The following LRRTM4 variants were observed in gnomAD, a reference collection of about 807,000 sequenced individuals.
LRRTM4 encodes the protein leucine-rich repeat transmembrane neuronal protein 4.
A neutral mutation model predicts 47.6 loss-of-function variants in LRRTM4; 25 were observed. The ratio of observed to expected loss-of-function variants is 0.53; its 90% CI spans 0.38 to 0.73. The LOEUF (loss-of-function observed/expected upper bound fraction) is 0.73. Among genes scored for constraint, LRRTM4 ranks in the 30% least tolerant of loss-of-function variants. LRRTM4 has a pLI of 0.00. For missense variants in LRRTM4, 638 were observed against 713.4 expected, an observed-to-expected ratio of 0.89 and a Z score of 1.20; for synonymous variants, 311 against 269.5, an observed-to-expected ratio of 1.15 and a Z score of -1.51.
intron 3 of LRRTM4, among the ~76,000 whole-genome samples, chr2:76,839,760 A>T (rs1389254560): frequency 1.3e-5 from 2 of 152,136 alleles, no homozygotes; most frequent in African/African-American, 4.8e-5. Context: ...TATGATTCTA[A>T]TACTTTTAAA....
At chr2:76,848,207 G>A (rs1213998722) in intron 3 of LRRTM4, among the ~76,000 whole-genome samples, 1 of 152,008 alleles carries the variant, frequency 6.6e-6, no homozygotes, top group Non-Finnish European at 1.5e-5. Flanking sequence ...TTTTATGTGA[G>A]CAATAGTTAT....
intron 3 of LRRTM4, among the ~76,000 whole-genome samples, chr2:77,364,240 T>C (rs970548094): frequency 6.6e-6 from 1 of 152,164 alleles, no homozygotes; most frequent in Non-Finnish European, 1.5e-5. Context: ...TCTGAGCACA[T>C]GAATGTTTAC....
chr2:77,404,252 A>G (rs1290214645), intron 3 of LRRTM4, among the ~76,000 whole-genome samples: 1 of 151,962 alleles, frequency 6.6e-6, no homozygotes, highest in Non-Finnish European at 1.5e-5. Context: ...TAGAATAAAA[A>G]GAAAATTTGC....
Position 77,148,518 on chromosome 2 carries a change from T to C in LRRTM4, c.1551+369800A>G, listed in dbSNP as rs192596652. ...GCCAATTTACTTTTATATATGACAC[T>C]TTGTTGCATTTGAACATTATAAATG... On this transcript the variant is annotated intron_variant, in intron 3 of 3. Transcript: ENST00000409884. 3.4e-3 allele frequency among the ~76,000 whole-genome samples: 514 copies of C among 152,314 alleles called. 3 individuals carry two copies. The highest frequency in any genetic ancestry group is 7.0e-3 in the South Asian group (34 of 4,830).
intron 3 of LRRTM4, among the ~76,000 whole-genome samples, chr2:77,134,610 G>C (rs2103983400): frequency 6.6e-6 from 1 of 152,194 alleles, no homozygotes; most frequent in African/African-American, 2.4e-5. Context: ...AACACAGTGA[G>C]CTTTCCTTTT....
chr2:77,027,099 C>T (rs1431686195), intron 3 of LRRTM4, among the ~76,000 whole-genome samples: 1 of 152,052 alleles, frequency 6.6e-6, no homozygotes, highest in Admixed American at 6.6e-5. Flanking sequence ...CCACACCTCC[C>T]CAATGCCCCT....
chr2:77,105,057 A>C (rs1671060047), intron 3 of LRRTM4, among the ~76,000 whole-genome samples: 2 of 133,238 alleles, frequency 1.5e-5, no homozygotes, highest in African/African-American at 5.9e-5. Flanking sequence ...TGAAAATAAA[A>C]GAAAAAAAAA....
chr2:77,102,593 A>G (rs1389333627), intron 3 of LRRTM4, among the ~76,000 whole-genome samples: 1 of 152,224 alleles, frequency 6.6e-6, no homozygotes, highest in Non-Finnish European at 1.5e-5. Context: ...AAGATATATA[A>G]TACCATCATA....
At chr2:76,779,675 T>G (rs1674238809) in intron 3 of LRRTM4, among the ~76,000 whole-genome samples, 3 of 151,832 alleles carry the variant, frequency 2.0e-5, no homozygotes, top group Non-Finnish European at 2.9e-5. Flanking sequence ...GAGATGGGTT[T>G]CCTGAATACA....
chr2:76,791,032 T>G (rs1168047634), intron 3 of LRRTM4, among the ~76,000 whole-genome samples: 1 of 152,174 alleles, frequency 6.6e-6, no homozygotes, highest in African/African-American at 2.4e-5. Flanking sequence ...GTTACAATGA[T>G]AAAGAGGTAA....
At chr2:77,234,857 A>T (rs577249541) in intron 3 of LRRTM4, among the ~76,000 whole-genome samples, 1 of 152,238 alleles carries the variant, frequency 6.6e-6, no homozygotes, top group South Asian at 2.1e-4. Flanking sequence ...CATCACTCAG[A>T]TAATGAACCT....
chr2:76,830,517 T>C lies in LRRTM4; in HGVS notation c.1552-81601A>G, dbSNP rs1017249153. On this transcript the variant is annotated intron_variant, in intron 3 of 3. Coordinates refer to ENST00000409884, the MANE Select transcript of LRRTM4 (RefSeq NM_001134745.3). ...TTGTCTATGTGTGGCAGTGTGTGCG[T>C]GTGTGTGTGTGTGTGTGTGTGTGTG... is the stretch of plus-strand genomic sequence containing the variant. 2.1e-4 allele frequency among the ~76,000 whole-genome samples: 24 copies of C among 115,602 alleles called. No individual in the cohort carries two copies. In the East Asian group the frequency reaches 5.4e-3, roughly 26 times the overall value. The allele number at this position is 115,602 out of a possible 152,430, so 75.8% of individuals were successfully genotyped here. A position where few individuals can be genotyped will look rare whatever the true frequency, so the allele number is the denominator to read the frequency against.
At chr2:76,876,867 G>T (rs1672793680) in intron 3 of LRRTM4, among the ~76,000 whole-genome samples, 1 of 151,958 alleles carries the variant, frequency 6.6e-6, no homozygotes, top group South Asian at 2.1e-4. Context: ...TTAATAAATT[G>T]ATAAGCCAGG....
At chr2:77,344,534 T>C (rs1017019234) in intron 3 of LRRTM4, among the ~76,000 whole-genome samples, 2 of 151,770 alleles carry the variant, frequency 1.3e-5, no homozygotes, top group Admixed American at 1.3e-4. Context: ...AAAATGAACA[T>C]ATCAAGCCTT....
chr2:76,943,936 G>A (rs1163298592), intron 3 of LRRTM4, among the ~76,000 whole-genome samples: 1 of 152,024 alleles, frequency 6.6e-6, no homozygotes, highest in African/African-American at 2.4e-5. Context: ...CATTATCCTA[G>A]TGCCATTATC....
chr2:77,150,561 G>A (rs1183138317), intron 3 of LRRTM4, among the ~76,000 whole-genome samples: 1 of 152,058 alleles, frequency 6.6e-6, no homozygotes, highest in African/African-American at 2.4e-5. Flanking sequence ...CCTATTATCA[G>A]TTGATACTAC....
intron 3 of LRRTM4, among the ~76,000 whole-genome samples, chr2:76,825,752 G>A (rs1671173346): frequency 1.3e-5 from 2 of 151,504 alleles, no homozygotes; most frequent in Admixed American, 1.3e-4. Context: ...GGGAGAGAGT[G>A]CAAAGGTCGA....
intron 3 of LRRTM4, among the ~76,000 whole-genome samples, chr2:77,319,584 C>G (rs61634067): frequency 7.9e-5 from 12 of 152,240 alleles, no homozygotes; most frequent in African/African-American, 2.9e-4. Flanking sequence ...ATCCTTATGT[C>G]CCCTTCTCCT....
At chr2:77,074,891 C>G (rs1422840743) in intron 3 of LRRTM4, among the ~76,000 whole-genome samples, 1 of 148,250 alleles carries the variant, frequency 6.7e-6, no homozygotes, top group African/African-American at 2.5e-5. Context: ...GTTACATTGG[C>G]AGAGGTTTGA....
Sources: gnomAD v4.1 joint callset for allele counts (sites outside exome capture counted in the v4.1 genomes callset) on GRCh38, gnomAD v4.1.1 for gene constraint, MANE v1.5 for transcripts, NCBI Gene and HGNC (gene_info 2026-07-23, HGNC 2026-07-21) for gene names.